Variants in RBFOX3 observed in about 807,000 individuals in gnomAD.
The protein encoded by RBFOX3 is RNA binding protein fox-1 homolog 3.
In RBFOX3, 17 loss-of-function variants were observed where a neutral mutation model predicts 48.7. The ratio of observed to expected loss-of-function variants is 0.35; its 90% CI spans 0.24 to 0.52. RBFOX3 has a LOEUF of 0.52. RBFOX3 is among the 20% of genes least tolerant of loss of function. The pLI is 0.94. For synonymous variants in RBFOX3, 212 were observed against 209.5 expected (o/e 1.01, Z -0.10); for missense variants, 382 against 497.5 (o/e 0.77, Z 2.21).
At chr17:79,460,538 C>A (rs2075243797) in intron 2 of RBFOX3, among the ~76,000 whole-genome samples, 1 of 152,216 alleles carries the variant, frequency 6.6e-6, no homozygotes, top group Non-Finnish European at 1.5e-5. Context: ...AGCTCTCTTG[C>A]TGCACTTACA....
intron 2 of RBFOX3, among the ~76,000 whole-genome samples, chr17:79,457,725 C>A (rs537331718): frequency 6.6e-6 from 1 of 152,230 alleles, no homozygotes; most frequent in African/African-American, 2.4e-5. Flanking sequence ...TGTCCCTGCA[C>A]ACAACAGCCA....
At chr17:79,239,296 G>A (rs922697892) in intron 3 of RBFOX3, among the ~76,000 whole-genome samples, 7 of 152,108 alleles carry the variant, frequency 4.6e-5, no homozygotes, top group Non-Finnish European at 7.4e-5. Context: ...GACATCCCAC[G>A]GGCGTGCTCC....
chr17:79,412,319 A>T (rs1465605279), intron 2 of RBFOX3, among the ~76,000 whole-genome samples: 2 of 150,622 alleles, frequency 1.3e-5, no homozygotes, highest in East Asian at 3.9e-4. Flanking sequence ...TGTGTATATA[A>T]ATGTGTGTGG....
intron 1 of RBFOX3, among the ~76,000 whole-genome samples, chr17:79,548,400 TC>T (rs1599120630): frequency 2.0e-5 from 3 of 152,174 alleles, no homozygotes; most frequent in Non-Finnish European, 4.4e-5. Context: ...CAAGTCAGCG[TC>T]CTGCCTGTGG....
intron 2 of RBFOX3, among the ~76,000 whole-genome samples, chr17:79,329,894 C>T (rs35207503): frequency 0.096 from 14,661 of 152,210 alleles, 957 homozygotes; most frequent in Middle Eastern, 0.16. Flanking sequence ...CCTTCTCAGA[C>T]CCTTCAGCCC....
At chr17:79,444,890 G>A (rs926827655) in intron 2 of RBFOX3, among the ~76,000 whole-genome samples, 3 of 151,906 alleles carry the variant, frequency 2.0e-5, no homozygotes, top group Non-Finnish European at 4.4e-5. Context: ...ATTCTAGAAC[G>A]TTTTCATTGC....
chr17:79,651,648 GTCTC>G, the RBFOX3 span, among the ~76,000 whole-genome samples: 1 of 32,150 alleles, frequency 3.1e-5, no homozygotes, highest in African/African-American at 7.3e-5. Flanking sequence ...CTCTCTCTCT[GTCTC>G]TCTCTCTCCT....
chr17:79,288,119 C>T (rs2072386452), intron 3 of RBFOX3, among the ~76,000 whole-genome samples: 1 of 152,142 alleles, frequency 6.6e-6, no homozygotes, highest in Non-Finnish European at 1.5e-5. Context: ...TCAGTGAAGC[C>T]TCTGATCTCC....
intron 2 of RBFOX3, among the ~76,000 whole-genome samples, chr17:79,348,681 A>G (rs2083335467): frequency 6.9e-6 from 1 of 144,702 alleles, no homozygotes; most frequent in Non-Finnish European, 1.5e-5. Context: ...CCTGGGTTCA[A>G]GTGATTCTCC....
At chr17:79,633,432 C>T in the RBFOX3 span, among the ~76,000 whole-genome samples, 1 of 152,208 alleles carries the variant, frequency 6.6e-6, no homozygotes, top group Non-Finnish European at 1.5e-5. Flanking sequence ...GCGTGTCCAC[C>T]GTAGGGAGGT....
chr17:79,536,889 T>G (rs1464467516), intron 1 of RBFOX3, among the ~76,000 whole-genome samples: 2 of 151,950 alleles, frequency 1.3e-5, no homozygotes, highest in Admixed American at 6.6e-5. Context: ...ATCGAGACCA[T>G]CCTGGCCAAC....
chr17:79,192,642 G>A (rs569136348), intron 4 of RBFOX3, among the ~76,000 whole-genome samples: 1 of 152,280 alleles, frequency 6.6e-6, no homozygotes, highest in South Asian at 2.1e-4. Context: ...AGCACGGAAC[G>A]AGAGCTGGAA....
chr17:79,122,274 C>G (rs1363474762), intron 4 of RBFOX3, among the ~76,000 whole-genome samples: 1 of 152,228 alleles, frequency 6.6e-6, no homozygotes, highest in Admixed American at 6.5e-5. Context: ...GGCTCCTACA[C>G]TCTGTCCTCT....
intron 1 of RBFOX3, among the ~76,000 whole-genome samples, chr17:79,603,557 C>A (rs2093758776): frequency 1.3e-5 from 2 of 152,220 alleles, no homozygotes; most frequent in Admixed American, 1.3e-4. Flanking sequence ...CAGACCCCAA[C>A]CTCTCTATAG....
intron 1 of RBFOX3, among the ~76,000 whole-genome samples, chr17:79,514,680 G>A (rs2149909630): frequency 6.6e-6 from 1 of 152,226 alleles, no homozygotes; most frequent in African/African-American, 2.4e-5. Context: ...AGTAACCCTG[G>A]CCCTAACCCA....
At chr17:79,209,790 G>A (rs1242427895) in intron 4 of RBFOX3, among the ~76,000 whole-genome samples, 1 of 151,968 alleles carries the variant, frequency 6.6e-6, no homozygotes, top group African/African-American at 2.4e-5. Flanking sequence ...TCAGGGGATC[G>A]AGACCATCCT....
chr17:79,230,501 C>T (rs2889618), intron 4 of RBFOX3, among the ~76,000 whole-genome samples: 37,686 of 151,074 alleles, frequency 0.25, 5,204 homozygotes, highest in Middle Eastern at 0.36. Flanking sequence ...CCTCGTGATC[C>T]GCCCGCCTCG....
chr17:79,549,181 C>T (rs114750947), intron 1 of RBFOX3, among the ~76,000 whole-genome samples: 49 of 152,372 alleles, frequency 3.2e-4, no homozygotes, highest in African/African-American at 1.1e-3. Flanking sequence ...GACAGCCACA[C>T]AGCCTCAAGA....
intron 1 of RBFOX3, among the ~76,000 whole-genome samples, chr17:79,514,018 T>G (rs977367759): frequency 4.6e-5 from 7 of 152,296 alleles, no homozygotes; most frequent in African/African-American, 1.7e-4. Context: ...CTGTGATTGG[T>G]CCAGGGGCAG....
Sources: allele counts gnomAD v4.1 joint callset (sites outside exome capture counted in the v4.1 genomes callset), GRCh38; gene constraint gnomAD v4.1.1; transcripts MANE v1.5; gene names NCBI Gene and HGNC (gene_info 2026-07-23, HGNC 2026-07-21).